Variants in CRIM1 observed in about 807,000 individuals in gnomAD.
The protein encoded by CRIM1 is cysteine-rich motor neuron 1 protein.
A neutral mutation model predicts 116.4 loss-of-function variants in CRIM1; 32 were observed. The observed-to-expected ratio is 0.27, with a 90% CI of 0.21 to 0.37. The LOEUF is 0.37. Ranked by LOEUF, CRIM1 falls within the 10% of genes least tolerant of loss-of-function variation. CRIM1 has a pLI of 1.00. For missense variants in CRIM1, 1,331 were observed against 1,354.8 expected, an observed-to-expected ratio of 0.98 and a Z score of 0.28; for synonymous variants, 590 against 509.2, an observed-to-expected ratio of 1.16 and a Z score of -2.13.
At chr2:36,539,844 C>G (rs147910713) in intron 14 of CRIM1, among the ~76,000 whole-genome samples, 1 of 152,132 alleles carries the variant, frequency 6.6e-6, no homozygotes, top group Non-Finnish European at 1.5e-5. Flanking sequence ...AGACAAATAT[C>G]TAATCTGGGC....
chr2:36,512,337 A>G lies in CRIM1; in HGVS notation c.1723A>G (p.Ile575Val). Residue 575 changes from isoleucine (I) to valine (V), a missense_variant, in exon 10 of 17, where the codon ATC (isoleucine) becomes GTC (valine). By Grantham distance (29) the Ile-to-Val change is conservative. Around this residue, in one of 3 missense-constraint regions of CRIM1, gnomAD observed 358 missense variants for 436.1 expected, o/e 0.82. Coordinates refer to ENST00000280527, the MANE Select transcript of CRIM1 (RefSeq NM_016441.3). ...ATGTCCAGAGCTCTCATGCAGTAAG[A>G]TCTGCCCCTTGGGTTTCCAGCAGGA... is the stretch of plus-strand genomic sequence containing the variant. Reference protein sequence around the residue: ...KKCPELSCSKICPLGFQQDSH... With the variant: ...KKCPELSCSKVCPLGFQQDSH... The G allele has an allele frequency of 6.2e-7, 1 of 1,614,028 alleles. No homozygotes were observed. The highest frequency in any genetic ancestry group is 8.5e-7 in the Non-Finnish European group (1 of 1,179,870).
chr2:36,422,003 A>C (rs1222550206), intron 2 of CRIM1, among the ~76,000 whole-genome samples: 1 of 151,988 alleles, frequency 6.6e-6, no homozygotes, highest in South Asian at 2.1e-4. Context: ...GCTAAAACAT[A>C]AGCTTAAACT....
In CRIM1 at chr2:36,550,608, T is replaced by C. The variant is rs1667701971; in HGVS notation, c.*1907T>C. On this transcript the variant is annotated 3_prime_UTR_variant, in exon 17 of 17. Coordinates refer to ENST00000280527, the MANE Select transcript of CRIM1 (RefSeq NM_016441.3). ...CTGAAGATTAACCATTTTTTTGTCT[T>C]AGAATATCAAAAAGAAAAAGAAAAA... 6.6e-6 allele frequency: 1 copy of C among 152,484 alleles called. No homozygotes were observed. Among genetic ancestry groups the C allele is most frequent in the Non-Finnish European group, 1.5e-5 (1 of 68,006 alleles). The allele number at this position is 152,484 out of a possible 1,614,324, so 9.4% of individuals were successfully genotyped here.
chr2:36,452,587 G>T (rs1676819195), intron 4 of CRIM1, among the ~76,000 whole-genome samples: 1 of 152,144 alleles, frequency 6.6e-6, no homozygotes, highest in Non-Finnish European at 1.5e-5. Context: ...TAAAGCCATT[G>T]CCCATTGGAA....
chr2:36,497,461 C>T (rs1162485571), intron 7 of CRIM1, among the ~76,000 whole-genome samples: 1 of 152,108 alleles, frequency 6.6e-6, no homozygotes, highest in African/African-American at 2.4e-5. Flanking sequence ...AAAAGAAAGA[C>T]TAATAGGTTT....
chr2:36,499,417 T>C (rs1680832551), intron 8 of CRIM1, 70 bp downstream of exon 8: 3 of 1,485,580 alleles, frequency 2.0e-6, no homozygotes, highest in South Asian at 2.4e-5. Flanking sequence ...ATTATGTAAT[T>C]GAATATCTTT....
intron 4 of CRIM1, among the ~76,000 whole-genome samples, chr2:36,445,495 C>T (rs1255321724): frequency 6.6e-6 from 1 of 152,148 alleles, no homozygotes; most frequent in Non-Finnish European, 1.5e-5. Context: ...CCTATGCTGT[C>T]AGTTAATTAT....
intron 1 of CRIM1, among the ~76,000 whole-genome samples, chr2:36,377,096 G>A (rs958776680): frequency 6.6e-6 from 1 of 152,168 alleles, no homozygotes; most frequent in African/African-American, 2.4e-5. Context: ...AGCTGCCCTT[G>A]GTCAACCCCC....
chr2:36,370,325 G>A (rs1669865642), intron 1 of CRIM1, among the ~76,000 whole-genome samples: 2 of 152,008 alleles, frequency 1.3e-5, no homozygotes, highest in Non-Finnish European at 2.9e-5. Flanking sequence ...ACCTCTGTAG[G>A]TAAATAAGTA....
At chr2:36,381,704 C>G (rs529853980) in intron 1 of CRIM1, among the ~76,000 whole-genome samples, 4 of 152,198 alleles carry the variant, frequency 2.6e-5, no homozygotes, top group Admixed American at 1.3e-4. Flanking sequence ...GGAGAATTGC[C>G]TGAACCGGGG....
chr2:36,517,104 C>T (rs1665080474), intron 11 of CRIM1, among the ~76,000 whole-genome samples: 1 of 152,198 alleles, frequency 6.6e-6, no homozygotes, highest in South Asian at 2.1e-4. Context: ...TTACTGTTGA[C>T]AGACTTAAAC....
chr2:36,466,733 C>A (rs1176593656), intron 5 of CRIM1, among the ~76,000 whole-genome samples: 1 of 152,186 alleles, frequency 6.6e-6, no homozygotes, highest in African/African-American at 2.4e-5. Flanking sequence ...TAATTCGTAT[C>A]ATCTTAGTTC....
At chr2:36,528,388 C>G (rs1435653013) in intron 13 of CRIM1, among the ~76,000 whole-genome samples, 1 of 152,240 alleles carries the variant, frequency 6.6e-6, no homozygotes, top group East Asian at 1.9e-4. Context: ...AGTGTGCTTT[C>G]TGTAGCTCAG....
chr2:36,357,116 C>G (rs565358868), intron 1 of CRIM1, among the ~76,000 whole-genome samples: 10 of 152,336 alleles, frequency 6.6e-5, no homozygotes, highest in African/African-American at 1.9e-4. Context: ...TCGCACTCCC[C>G]GAGTGACTCT....
At chr2:36,434,981 A>G (rs999803294) in intron 2 of CRIM1, among the ~76,000 whole-genome samples, 3 of 152,160 alleles carry the variant, frequency 2.0e-5, no homozygotes, top group African/African-American at 7.2e-5. Flanking sequence ...CACCCGTATC[A>G]CTGAATATGC....
intron 2 of CRIM1, among the ~76,000 whole-genome samples, chr2:36,413,478 C>T (rs941021274): frequency 6.6e-6 from 1 of 152,044 alleles, no homozygotes; most frequent in African/African-American, 2.4e-5. Flanking sequence ...CGGGAAAGGA[C>T]GGTTGTGAGG....
Position 36,391,184 on chromosome 2 carries a change from C to T in CRIM1, c.332-5430C>T, listed in dbSNP as rs562643727. ...TTGCTCTGTCACCCAGGCTGGAGTG[C>T]AGTGACATGATCTGGGCTCACTGCA... On this transcript the variant is annotated intron_variant, in intron 1 of 16. Transcript: ENST00000280527. Among the ~76,000 whole-genome samples the T allele has an allele frequency of 8.3e-5, 10 of 120,828 alleles. No individual in the cohort carries two copies. In the South Asian group the frequency reaches 2.8e-3, roughly 34 times the overall value. The allele number at this position is 120,828 out of a possible 152,430, so 79.3% of individuals were successfully genotyped here.
At chr2:36,359,597 G>A (rs756747984) in intron 1 of CRIM1, among the ~76,000 whole-genome samples, 1 of 152,074 alleles carries the variant, frequency 6.6e-6, no homozygotes, top group Non-Finnish European at 1.5e-5. Context: ...TAGAAAGAAT[G>A]CTGAAGGAAA....
rs774306979 is a variant in CRIM1 at position 36,464,549 on chromosome 2, T to C, written c.885T>C (p.Ser295=). ...TTGGTTTCAGATGCGAGTGTCTCTCTGGCTTATGTGGTTTCCCCGTGTGTG... is the reference window on the plus strand; with the variant it reads ...TTGGTTTCAGATGCGAGTGTCTCTCCGGCTTATGTGGTTTCCCCGTGTGTG... ...CTLPTRCECL[S]GLCGFPVCEV... is the part of the protein sequence containing the mutation. The change falls in exon 5 of 17, where the codon TCT becomes TCC. Residue 295 remains serine (S), a synonymous_variant. Transcript: ENST00000280527. 6.2e-7 allele frequency: 1 copy of C among 1,614,196 alleles called. No homozygotes were observed. Among genetic ancestry groups the C allele is most frequent in the Non-Finnish European group, 8.5e-7 (1 of 1,180,020 alleles).
Sources: gnomAD v4.1 joint callset for allele counts (sites outside exome capture counted in the v4.1 genomes callset) on GRCh38, gnomAD v4.1.1 for gene constraint, gnomAD v4.1.1 regional missense constraint, MANE v1.5 for transcripts, NCBI Gene and HGNC (gene_info 2026-07-23, HGNC 2026-07-21) for gene names.